KANSL3: variants seen among roughly 807,000 people sequenced by gnomAD.
KANSL3 encodes the protein NSL complex protein NSL3.
In KANSL3, 16 loss-of-function variants were observed where a neutral mutation model predicts 89.2. That is an observed-to-expected ratio of 0.18 (90% CI 0.12 to 0.27). The LOEUF is 0.27. Among genes scored for constraint, KANSL3 ranks in the 10% least tolerant of loss-of-function variants. The pLI is 1.00. For synonymous variants in KANSL3, 385 were observed against 419.7 expected (o/e 0.92, Z 1.01); for missense variants, 879 against 1,110.6 (o/e 0.79, Z 2.96).
rs1353890950 is a variant in KANSL3, at chr2:96,637,034, C to G, written c.102G>C (p.Leu34=). The change falls in exon 2 of 21, where the codon CTG becomes CTC. Residue 34 remains leucine (L), a synonymous_variant. Coordinates refer to ENST00000431828, the MANE Select transcript of KANSL3 (RefSeq NM_001115016.3). ...TGGCATAGCTATGATCCAGAAAAAC[C>G]AGGTCCAGCTCCCGTTCATGCACTG... ...QLSVHERELD[L]VFLDHSYAKP... The G allele has an allele frequency of 2.6e-6, 4 of 1,551,624 alleles. No individual in the cohort carries two copies. The South Asian group carries it at 3.6e-5, about 14-fold the overall frequency.
intron 2 of KANSL3, among the ~76,000 whole-genome samples, chr2:96,633,973 G>A (rs1660278039): frequency 6.6e-6 from 1 of 152,230 alleles, no homozygotes; most frequent in Admixed American, 6.5e-5. Context: ...CCCAGGTATA[G>A]AACATTCCTA....
chr2:96,613,374 A>T (rs1558711894), intron 6 of KANSL3, 114 bp downstream of exon 6: 6 of 866,416 alleles, frequency 6.9e-6, no homozygotes, highest in African/African-American at 3.5e-5. Context: ...CTGTCTCAAA[A>T]AATAATAATA....
chr2:96,587,918 A>C, the KANSL3 span, among the ~76,000 whole-genome samples: 5 of 152,210 alleles, frequency 3.3e-5, no homozygotes, highest in Non-Finnish European at 1.5e-5. Flanking sequence ...GGACACAAGA[A>C]AGAATCCGTG....
At chr2:96,629,886 A>G (rs2073078516) in intron 3 of KANSL3, among the ~76,000 whole-genome samples, 1 of 152,228 alleles carries the variant, frequency 6.6e-6, no homozygotes, top group Admixed American at 6.5e-5. Flanking sequence ...AAGAAGTAAC[A>G]TTTCCTTATA....
chr2:96,625,084 C>A (rs2072051961), intron 3 of KANSL3, among the ~76,000 whole-genome samples: 1 of 152,070 alleles, frequency 6.6e-6, no homozygotes, highest in Non-Finnish European at 1.5e-5. Context: ...GTGGTACGAG[C>A]CTGTAACCCC....
chr2:96,582,094 A>G, the KANSL3 span, among the ~76,000 whole-genome samples: 1 of 152,254 alleles, frequency 6.6e-6, no homozygotes, highest in East Asian at 1.9e-4. Flanking sequence ...TTTTTGTTTT[A>G]AAAGTCAGTA....
Position 96,619,779 on chromosome 2 carries a change from G to A in KANSL3, c.387-17C>T. 6.5e-7 allele frequency: 1 copy of A among 1,546,010 alleles called. No individual in the cohort carries two copies. Among genetic ancestry groups the A allele is most frequent in the Non-Finnish European group, 8.8e-7 (1 of 1,141,546 alleles). ...CAGCCAGTCCTATAAGGGAAACTCT[G>A]AGGAATTATAGTCAAACCCTGGGGA... On this transcript the variant is annotated splice_polypyrimidine_tract_variant and intron_variant, in intron 3 of 20. Transcript: ENST00000431828.
chr2:96,619,890 G>C, intron 3 of KANSL3, 128 bp from the exon 4 acceptor site: 1 of 719,098 alleles, frequency 1.4e-6, no homozygotes, highest in Admixed American at 2.9e-5. Context: ...AAGTAGCTTA[G>C]TCTAAGACCA....
intron 9 of KANSL3, 47 bp downstream of exon 9, chr2:96,612,235 G>C: frequency 7.7e-7 from 1 of 1,296,378 alleles, no homozygotes; most frequent in Non-Finnish European, 1.1e-6. Flanking sequence ...TATGATTAGT[G>C]GTATTCCATC....
At chr2:96,585,451 A>G in the KANSL3 span, among the ~76,000 whole-genome samples, 2 of 152,244 alleles carry the variant, frequency 1.3e-5, 1 homozygote, top group South Asian at 4.1e-4. Flanking sequence ...GAGAATGGCC[A>G]TAACTAAAAA....
intron 3 of KANSL3, among the ~76,000 whole-genome samples, chr2:96,622,423 AG>A (rs2071484659): frequency 1.3e-5 from 2 of 152,010 alleles, no homozygotes; most frequent in East Asian, 1.9e-4. Context: ...AAAAAAAAAA[AG>A]AACCAACAAA....
intron 3 of KANSL3, among the ~76,000 whole-genome samples, chr2:96,625,729 A>G (rs956634993): frequency 6.6e-6 from 1 of 152,240 alleles, no homozygotes; most frequent in Non-Finnish European, 1.5e-5. Context: ...GCTGCTGGAT[A>G]TATAACAAAG....
rs1489708505 is a variant in KANSL3 at position 96,612,500 on chromosome 2, C to T, written c.976G>A (p.Glu326Lys). 1.2e-6 allele frequency: 2 copies of T among 1,613,932 alleles called. No homozygotes were observed. The highest frequency in any genetic ancestry group is 1.1e-5 in the South Asian group (1 of 91,082). ...GSGVGVLQCL[E>K]HMIGAVRSKV... The stretch of plus-strand genomic sequence containing the variant: ...CTTCTCACTGCCCCAATCATATGCT[C>T]GAGACACTGTAGAACTCCTACCCCA... Residue 326 changes from glutamate (E) to lysine (K), a missense_variant, in exon 8 of 21, where the codon GAG becomes AAG. Physicochemically the swap from Glu to Lys is moderately conservative, Grantham distance 56. Transcript: ENST00000431828.
At chr2:96,632,270 C>T (rs2073521358) in intron 2 of KANSL3, among the ~76,000 whole-genome samples, 1 of 152,074 alleles carries the variant, frequency 6.6e-6, no homozygotes, top group Non-Finnish European at 1.5e-5. Flanking sequence ...AAGTTCAAGA[C>T]CAGTTTGGCA....
chr2:96,629,369 C>G (rs2072975288), intron 3 of KANSL3, among the ~76,000 whole-genome samples: 1 of 152,276 alleles, frequency 6.6e-6, no homozygotes, highest in Admixed American at 6.5e-5. Flanking sequence ...GGTGCCCAGA[C>G]TGGAGTGCAA....
chr2:96,581,497 T>TCTTCATATA, the KANSL3 span, among the ~76,000 whole-genome samples: 1 of 152,200 alleles, frequency 6.6e-6, no homozygotes, highest in African/African-American at 2.4e-5. Context: ...TTCATTCTTA[T>TCTTCATATA]CTTCATATAC....
chr2:96,598,084 A>T (rs568710097), intron 20 of KANSL3: 1 of 985,342 alleles, frequency 1.0e-6, no homozygotes, highest in Non-Finnish European at 1.2e-6. Flanking sequence ...GGATTACCTA[A>T]CACAGGAGGA....
chr2:96,613,787 G>A (rs2069440428), intron 5 of KANSL3, among the ~76,000 whole-genome samples, 168 bp from the exon 6 acceptor site: 1 of 151,970 alleles, frequency 6.6e-6, no homozygotes, highest in Non-Finnish European at 1.5e-5. Flanking sequence ...CGGGTGAAAA[G>A]TATGCTCCCA....
chr2:96,612,403 G>A (rs772067032), intron 8 of KANSL3, 50 bp from the exon 9 acceptor site: 1 of 1,601,980 alleles, frequency 6.2e-7, no homozygotes, highest in East Asian at 2.2e-5. Context: ...AAAGATAGGT[G>A]CAGAACAACC....
Sources: allele counts gnomAD v4.1 joint callset (sites outside exome capture counted in the v4.1 genomes callset), GRCh38; gene constraint gnomAD v4.1.1; transcripts MANE v1.5; gene names NCBI Gene and HGNC (gene_info 2026-07-23, HGNC 2026-07-21).